The following CCDC60 variants were observed in gnomAD, a reference collection of about 807,000 sequenced individuals.
The protein encoded by CCDC60 is coiled-coil domain-containing protein 60.
CCDC60 carries 54 observed loss-of-function variants against 63.5 expected under a neutral mutation model. The ratio of observed to expected loss-of-function variants is 0.85; its 90% CI spans 0.68 to 1.07. CCDC60 has a LOEUF of 1.07. Among genes scored for constraint, CCDC60 ranks in the 50% least tolerant of loss-of-function variants. CCDC60 has a pLI of 0.00. For missense variants in CCDC60, 651 were observed against 684.3 expected, an observed-to-expected ratio of 0.95 and a Z score of 0.54; for synonymous variants, 206 against 238.8, an observed-to-expected ratio of 0.86 and a Z score of 1.27.
intron 1 of CCDC60, among the ~76,000 whole-genome samples, chr12:119,371,490 T>C (rs1192155483): frequency 1.3e-5 from 2 of 152,224 alleles, no homozygotes; most frequent in Non-Finnish European, 2.9e-5. Flanking sequence ...CTCGGTCTGC[T>C]TTGTGTCAGA....
chr12:119,391,654 C>T (rs1324646446), intron 1 of CCDC60, among the ~76,000 whole-genome samples: 3 of 152,200 alleles, frequency 2.0e-5, no homozygotes, highest in Admixed American at 6.5e-5. Flanking sequence ...TGTGATGCTG[C>T]GGTGTCTGGC....
intron 1 of CCDC60, among the ~76,000 whole-genome samples, chr12:119,378,076 T>G (rs755947632): frequency 1.3e-5 from 2 of 152,224 alleles, no homozygotes; most frequent in Non-Finnish European, 2.9e-5. Flanking sequence ...GGTGTCTGAT[T>G]CACATAGAGC....
At chr12:119,433,857 T>A (rs1244584241) in intron 2 of CCDC60, among the ~76,000 whole-genome samples, 1 of 152,214 alleles carries the variant, frequency 6.6e-6, no homozygotes, top group Non-Finnish European at 1.5e-5. Context: ...TTCCGTCAGA[T>A]GTTCAGTGGC....
chr12:119,423,199 C>T (rs1349105754), intron 1 of CCDC60, among the ~76,000 whole-genome samples: 1 of 152,102 alleles, frequency 6.6e-6, no homozygotes, highest in African/African-American at 2.4e-5. Flanking sequence ...GGGCGAGGCG[C>T]ATGACCACAA....
rs11320620 is a variant in CCDC60 at position 119,478,360 on chromosome 12, A to AC, written c.342-725dup. Among the ~76,000 whole-genome samples, 79 of 148,446 alleles carry AC rather than the reference A, an allele frequency of 5.3e-4. No homozygotes were observed. The Middle Eastern group carries it at 0.024, about 45-fold the overall frequency. ...ATATGACTCAAGCATGACAACAACCACCCCCCCCCAAAAAAAATCCTATTT... is the reference window on the plus strand; with the variant it reads ...ATATGACTCAAGCATGACAACAACCACCCCCCCCCCAAAAAAAATCCTATTT... On this transcript the variant is annotated intron_variant, in intron 3 of 13. Transcript: ENST00000327554.
In CCDC60 at chr12:119,500,081, C is replaced by T; in HGVS notation, c.561C>T (p.Asp187=). ...CATTAAGCTGTTTCTCACTCAGGGACCCGGGTGGAAGCAAGAGCACCATTA... is the reference window on the plus strand; with the variant it reads ...CATTAAGCTGTTTCTCACTCAGGGATCCGGGTGGAAGCAAGAGCACCATTA... ...KPVITCWNPK[D]PGGSKSTIKK... Residue 187 remains aspartate, a synonymous_variant, in exon 6 of 14, where the codon GAC becomes GAT. Coordinates refer to ENST00000327554, the MANE Select transcript of CCDC60 (RefSeq NM_178499.5). 6.2e-7 allele frequency: 1 copy of T among 1,610,274 alleles called. No homozygotes were observed. The highest frequency in any genetic ancestry group is 8.5e-7 in the Non-Finnish European group (1 of 1,176,920).
At chr12:119,386,360 A>C (rs1255125281) in intron 1 of CCDC60, among the ~76,000 whole-genome samples, 1 of 152,128 alleles carries the variant, frequency 6.6e-6, no homozygotes, top group Non-Finnish European at 1.5e-5. Context: ...AATAAGTGAT[A>C]CCCTTAGAGA....
intron 1 of CCDC60, among the ~76,000 whole-genome samples, chr12:119,414,122 G>A (rs745715611): frequency 6.6e-5 from 10 of 151,930 alleles, no homozygotes; most frequent in African/African-American, 1.7e-4. Flanking sequence ...GGGTTCAAGC[G>A]ATTCTTCTCC....
At chr12:119,336,394 T>G (rs1955472328) in intron 1 of CCDC60, among the ~76,000 whole-genome samples, 1 of 152,244 alleles carries the variant, frequency 6.6e-6, no homozygotes, top group South Asian at 2.1e-4. Flanking sequence ...ATCAGTGAGC[T>G]GGGCCATCCT....
intron 6 of CCDC60, among the ~76,000 whole-genome samples, chr12:119,502,301 T>G (rs571508839): frequency 6.6e-6 from 1 of 152,256 alleles, no homozygotes; most frequent in Admixed American, 6.5e-5. Flanking sequence ...AAATCCTGGG[T>G]AGCTAAACAT....
intron 8 of CCDC60, among the ~76,000 whole-genome samples, 175 bp from the exon 9 acceptor site, chr12:119,519,946 G>A (rs1225538558): frequency 1.3e-5 from 2 of 151,974 alleles, no homozygotes; most frequent in Non-Finnish European, 2.9e-5. Context: ...TCAAGTCCCA[G>A]GAAATGTGGC....
intron 1 of CCDC60, among the ~76,000 whole-genome samples, chr12:119,336,353 G>C (rs2136137372): frequency 1.3e-5 from 2 of 152,306 alleles, no homozygotes; most frequent in Middle Eastern, 6.8e-3. Context: ...TCAATGGCTG[G>C]TTTCTCTTAA....
intron 7 of CCDC60, among the ~76,000 whole-genome samples, chr12:119,515,441 C>T (rs1207185766): frequency 6.6e-6 from 1 of 152,078 alleles, no homozygotes; most frequent in Non-Finnish European, 1.5e-5. Flanking sequence ...CCACCTCAGC[C>T]TCCTGAGTAG....
At position 119,432,788 on chromosome 12, in the gene CCDC60, A is replaced by G. The variant is rs1447291227; in HGVS notation, c.170+4026A>G. Among the ~76,000 whole-genome samples the G allele has an allele frequency of 2.6e-5, 4 of 152,340 alleles. No homozygotes were observed. In the South Asian group the frequency reaches 6.2e-4, roughly 24 times the overall value. The stretch of plus-strand genomic sequence containing the variant: ...TGTTAAAGATTAATTATATAAATGT[A>G]TATCTATAATTGCAAACCGATCGTT... On this transcript the variant is annotated intron_variant, in intron 2 of 13. Coordinates refer to ENST00000327554, the MANE Select transcript of CCDC60 (RefSeq NM_178499.5).
intron 1 of CCDC60, among the ~76,000 whole-genome samples, chr12:119,423,222 A>AT (rs1956844276): frequency 6.6e-6 from 1 of 152,174 alleles, no homozygotes; most frequent in South Asian, 2.1e-4. Context: ...CTGGATATGC[A>AT]TTTTAGCCAT....
rs200738835 is a variant in CCDC60, at chr12:119,528,596, T to C, written c.1230-19T>C. Reference sequence around the variant, plus strand: ...GAGGGGATCTCATTCTTCTCTCTCTTTCTCATACAACCTTGTAGGCGCCAA... The same window carrying C: ...GAGGGGATCTCATTCTTCTCTCTCTCTCTCATACAACCTTGTAGGCGCCAA... On this transcript the variant is annotated intron_variant, in intron 11 of 13. Coordinates refer to ENST00000327554, the MANE Select transcript of CCDC60 (RefSeq NM_178499.5). 2.6e-4 allele frequency: 418 copies of C among 1,606,076 alleles called. 1 individual carries two copies. Among genetic ancestry groups the C allele is most frequent in the Non-Finnish European group, 9.4e-5 (110 of 1,175,584 alleles).
At chr12:119,538,654 A>T (rs547512728) in intron 13 of CCDC60, among the ~76,000 whole-genome samples, 1 of 152,160 alleles carries the variant, frequency 6.6e-6, no homozygotes, top group African/African-American at 2.4e-5. Context: ...AGCTCAGAGG[A>T]GTTTGTTATC....
chr12:119,415,261 G>A (rs1029389048), intron 1 of CCDC60, among the ~76,000 whole-genome samples: 1 of 152,186 alleles, frequency 6.6e-6, no homozygotes, highest in Admixed American at 6.5e-5. Context: ...AGAGTTAAAG[G>A]ATAAACCACA....
chr12:119,386,581 C>A (rs941055795), intron 1 of CCDC60, among the ~76,000 whole-genome samples: 9 of 151,804 alleles, frequency 5.9e-5, no homozygotes, highest in African/African-American at 1.9e-4. Flanking sequence ...AGGTGCACAT[C>A]TTTAGGAGTA....
Sources: gnomAD v4.1 joint callset for allele counts (sites outside exome capture counted in the v4.1 genomes callset) on GRCh38, gnomAD v4.1.1 for gene constraint, MANE v1.5 for transcripts, NCBI Gene and HGNC (gene_info 2026-07-23, HGNC 2026-07-21) for gene names.